Variants in ZNF726 observed in about 807,000 individuals in gnomAD.
ZNF726 encodes the protein zinc finger protein 92 pseudogene 3.
ZNF726 carries 15 observed loss-of-function variants against 11.6 expected under a neutral mutation model. That is an observed-to-expected ratio of 1.29 (90% confidence interval 0.86 to 1.99). The LOEUF (loss-of-function observed/expected upper bound fraction) is 1.99, where lower values mean the gene tolerates loss of function less well. Ranked by LOEUF, ZNF726 falls within the 30% of genes most tolerant of loss-of-function variation. The pLI is 0.00. For synonymous variants in ZNF726, 295 were observed against 243.6 expected, an observed-to-expected ratio of 1.21 and a Z score of -1.96; for missense variants, 890 against 725.6, an observed-to-expected ratio of 1.23 and a Z score of -2.60.
chr19:23,916,105 C>T lies in ZNF726; in HGVS notation c.3+1108C>T, dbSNP rs538505015. ...CTGCCACTTAATGGTTTTCACACTC[C>T]ACAGGGGACTGATTTTTTCCCTGAA... On this transcript the variant is annotated intron_variant, in intron 1 of 3. Coordinates refer to ENST00000594466, the MANE Select transcript of ZNF726 (RefSeq NM_001244038.2). Among the ~76,000 whole-genome samples the T allele has an allele frequency of 1.2e-4, 19 of 152,240 alleles. No individual in the cohort carries two copies. In the East Asian group the frequency reaches 3.3e-3, roughly 26 times the overall value.
chr19:23,916,493 G>T (rs1267560430), intron 1 of ZNF726, among the ~76,000 whole-genome samples: 2 of 152,008 alleles, frequency 1.3e-5, no homozygotes, highest in African/African-American at 2.4e-5. Context: ...ACCACGCCTG[G>T]CTAATTTTTG....
At chr19:23,942,789 C>A (rs996095269) in intron 3 of ZNF726, among the ~76,000 whole-genome samples, 1 of 152,114 alleles carries the variant, frequency 6.6e-6, no homozygotes, top group East Asian at 1.9e-4. Context: ...CCCCTGTTTT[C>A]TTTTGGTGTC....
intron 3 of ZNF726, among the ~76,000 whole-genome samples, chr19:23,931,894 G>A (rs1968113355): frequency 6.6e-6 from 1 of 152,050 alleles, no homozygotes; most frequent in African/African-American, 2.4e-5. Flanking sequence ...ATTTCTGTCA[G>A]CACTTTATGT....
At position 23,933,898 on chromosome 19, in the gene ZNF726, G is replaced by C. The variant is rs780128207; in HGVS notation, c.1782G>C (p.Lys594Asn). The C allele has an allele frequency of 2.5e-6, 4 of 1,588,762 alleles. No homozygotes were observed. The highest frequency in any genetic ancestry group is 1.4e-5 in the African/African-American group (1 of 73,764). The change falls in exon 4 of 4, where the codon AAG becomes AAC. Residue 594 changes from lysine to asparagine, a missense_variant. Transcript: ENST00000594466. ...TTCATACTGGAGAGAAACCTTACAA[G>C]TGTGACGAATGTGGCAAATCATTTA... ...KIIHTGEKPY[K>N]CDECGKSFIW...
In ZNF726 at chr19:23,919,397, G is replaced by C. The variant is rs758571024; in HGVS notation, c.28G>C (p.Ala10Pro). The change falls in exon 2 of 4, where the codon GCC (alanine) becomes CCC (proline). Residue 10 changes from alanine to proline, a missense_variant. Ala to Pro is a conservative substitution (Grantham distance 27, BLOSUM62 -1). Coordinates refer to ENST00000594466, the MANE Select transcript of ZNF726 (RefSeq NM_001244038.2). The part of the protein sequence containing the change: MGLLTFRDV[A>P]IEFSLEEWQC... ...GGGACTGTTGACATTTAGGGATGTG[G>C]CCATAGAATTCTCTCTGGAGGAGTG... is the stretch of plus-strand genomic sequence containing the variant. 8.7e-6 allele frequency: 14 copies of C among 1,607,298 alleles called. No individual in the cohort carries two copies. The highest frequency in any genetic ancestry group is 1.1e-5 in the Non-Finnish European group (13 of 1,175,908).
rs1041076200 is a variant in ZNF726 at position 23,914,910 on chromosome 19, A to T, written c.-85A>T. ...TGTCTCTATCTGCGGCCGGAGCTCCAGGTCTCGTCCTCACTACTCTGTGTC... is the reference window on the plus strand; with the variant it reads ...TGTCTCTATCTGCGGCCGGAGCTCCTGGTCTCGTCCTCACTACTCTGTGTC... On this transcript the variant is annotated 5_prime_UTR_variant, in exon 1 of 4. Coordinates refer to ENST00000594466, the MANE Select transcript of ZNF726 (RefSeq NM_001244038.2). The T allele has an allele frequency of 6.3e-7, 1 of 1,590,050 alleles. No homozygotes were observed. The highest frequency in any genetic ancestry group is 8.6e-7 in the Non-Finnish European group (1 of 1,165,856).
rs773550510 is a variant in ZNF726 at position 23,933,200 on chromosome 19, A to G, written c.1084A>G (p.Ile362Val). 5.0e-6 allele frequency: 8 copies of G among 1,602,084 alleles called. No individual in the cohort carries two copies. In the South Asian group the frequency reaches 7.9e-5, roughly 16 times the overall value. Residue 362 changes from isoleucine (I) to valine (V), a missense_variant, in exon 4 of 4, where the codon ATT becomes GTT. By Grantham distance (29) the Ile-to-Val change is conservative. Transcript: ENST00000594466. Reference protein sequence around the residue: ...QFGHLTTHRIIHTGEKPYKCE... With the variant: ...QFGHLTTHRIVHTGEKPYKCE... The stretch of plus-strand genomic sequence containing the variant: ...CGGACACCTTACTACACATAGGATA[A>G]TTCATACTGGAGAGAAACCCTACAA...
At chr19:23,939,135 C>A (rs186504582), downstream of ZNF726, among the ~76,000 whole-genome samples, 3 of 151,522 alleles carry the variant, frequency 2.0e-5, no homozygotes, top group African/African-American at 7.3e-5. Flanking sequence ...ACTCTTCCCC[C>A]CCAAGTCTCC....
chr19:23,942,286 G>A (rs1243683210), intron 3 of ZNF726, among the ~76,000 whole-genome samples: 2 of 152,140 alleles, frequency 1.3e-5, no homozygotes. Flanking sequence ...TCCTTTGAGA[G>A]TTGATTTCCA....
At chr19:23,920,806 G>C (rs185559148) in intron 3 of ZNF726, 1 of 149,234 alleles carries the variant, frequency 6.7e-6, no homozygotes, top group Non-Finnish European at 1.5e-5. Flanking sequence ...TTTTTTTCTT[G>C]CTTTCTTTTT....
In ZNF726 at chr19:23,934,371, C is replaced by A; in HGVS notation, c.*404C>A. 3.8e-6 allele frequency: 2 copies of A among 524,486 alleles called. No homozygotes were observed. The highest frequency in any genetic ancestry group is 3.1e-4 in the Middle Eastern group (1 of 3,202). The allele number at this position is 524,486 out of a possible 1,614,324, so 32.5% of individuals were successfully genotyped here. On this transcript the variant is annotated 3_prime_UTR_variant, in exon 4 of 4. Transcript: ENST00000594466. ...GTTACTGAACATAAAGTAATTCATACTGAAGAGAAACCCTACAAATGTGAA... is the reference window on the plus strand; with the variant it reads ...GTTACTGAACATAAAGTAATTCATAATGAAGAGAAACCCTACAAATGTGAA...
chr19:23,932,521 G>T lies in ZNF726; in HGVS notation c.405G>T (p.Gln135His). 6.3e-7 allele frequency: 1 copy of T among 1,585,716 alleles called. No individual in the cohort carries two copies. The highest frequency in any genetic ancestry group is 8.5e-7 in the Non-Finnish European group (1 of 1,171,362). Reference protein sequence around the residue: ...VHKEGYNGLNQCFTTTQGKAS... With the variant: ...VHKEGYNGLNHCFTTTQGKAS... ...AAGAAGGTTATAATGGACTTAACCA[G>T]TGTTTCACAACTACCCAGGGCAAAG... Residue 135 changes from glutamine to histidine, a missense_variant, in exon 4 of 4, where the codon CAG becomes CAT. Gln to His is a conservative substitution (Grantham distance 24). Coordinates refer to ENST00000594466, the MANE Select transcript of ZNF726 (RefSeq NM_001244038.2).
chr19:23,924,434 A>G (rs1198094470), intron 3 of ZNF726, among the ~76,000 whole-genome samples: 1 of 152,280 alleles, frequency 6.6e-6, no homozygotes, highest in Admixed American at 6.5e-5. Context: ...CATGTGTTTA[A>G]TGATGAATAT....
In ZNF726 at chr19:23,940,461, T is replaced by C. The variant is rs375271562; in HGVS notation, c.227-3033T>C. 4.1e-4 allele frequency among the ~76,000 whole-genome samples: 63 copies of C among 152,306 alleles called. No homozygotes were observed. In the South Asian group the frequency reaches 0.013, roughly 31 times the overall value. On this transcript the variant is annotated intron_variant, in intron 3 of 4. Transcript: ENST00000334589. ...GTGCCTCGAGATTTGTTCTTTTTGC[T>C]TAGTCTTGCTTTGGCTATGTGGGCT...
downstream of ZNF726, among the ~76,000 whole-genome samples, chr19:23,938,645 T>C (rs1968287772): frequency 1.3e-5 from 2 of 150,566 alleles, no homozygotes; most frequent in Non-Finnish European, 3.0e-5. Context: ...TCTTGCTCTG[T>C]TGCCCAGACT....
chr19:23,934,265 A>G lies in ZNF726; in HGVS notation c.*298A>G. On this transcript the variant is annotated 3_prime_UTR_variant, in exon 4 of 4. Coordinates refer to ENST00000594466, the MANE Select transcript of ZNF726 (RefSeq NM_001244038.2). The stretch of plus-strand genomic sequence containing the variant: ...GCAAAGCATATGGTCCACACCCCTA[A>G]GTAGACATAAGAGGATGCACACTGG... 1.6e-6 allele frequency: 1 copy of G among 631,760 alleles called. No individual in the cohort carries two copies. 39.1% of individuals were successfully genotyped at this position (631,760 alleles called of 1,614,324 possible). A position where few individuals can be genotyped will look rare whatever the true frequency, so the allele number is the denominator to read the frequency against.
intron 3 of ZNF726, chr19:23,923,360 T>G (rs1184070776): frequency 2.5e-6 from 1 of 400,914 alleles, no homozygotes; most frequent in African/African-American, 2.2e-5. Context: ...TATTTATGAT[T>G]GTACTGCATT....
Position 23,932,378 on chromosome 19 carries a change from G to C in ZNF726, c.262G>C (p.Glu88Gln). Reference sequence around the variant, plus strand: ...TCATTTTGCTCAAGACATTTGGCCAGAGCAGGGCGTGGAAGATTCTTTTCA... The same window carrying C: ...TCATTTTGCTCAAGACATTTGGCCACAGCAGGGCGTGGAAGATTCTTTTCA... Reference protein sequence around the residue: ...CPHFAQDIWPEQGVEDSFQKV... With the variant: ...CPHFAQDIWPQQGVEDSFQKV... The change falls in exon 4 of 4, where the codon GAG becomes CAG. Residue 88 changes from glutamate to glutamine, a missense_variant. By Grantham distance (29) the Glu-to-Gln change is conservative (BLOSUM62 2). Transcript: ENST00000594466. 5.4e-6 allele frequency: 8 copies of C among 1,482,800 alleles called. No individual in the cohort carries two copies. Among genetic ancestry groups the C allele is most frequent in the Non-Finnish European group, 7.1e-6 (8 of 1,120,846 alleles). 91.9% of individuals were successfully genotyped at this position (1,482,800 alleles called of 1,614,324 possible).
chr19:23,936,804 CAGA>C (rs1968240773), downstream of ZNF726, among the ~76,000 whole-genome samples: 1 of 151,728 alleles, frequency 6.6e-6, no homozygotes, highest in Non-Finnish European at 1.5e-5. Context: ...GATCCCAAGG[CAGA>C]AGAATTTTTC....
Sources: gnomAD v4.1 joint callset for allele counts (sites outside exome capture counted in the v4.1 genomes callset) on GRCh38, gnomAD v4.1.1 for gene constraint, MANE v1.5 for transcripts, NCBI Gene and HGNC (gene_info 2026-07-23, HGNC 2026-07-21) for gene names.